Variants in GRHL1 observed in about 807,000 individuals in gnomAD.
The protein encoded by GRHL1 is grainyhead-like protein 1 homolog.
A neutral mutation model predicts 75.7 loss-of-function variants in GRHL1; 38 were observed. The observed-to-expected ratio is 0.50, with a 90% confidence interval of 0.39 to 0.66. GRHL1 has a LOEUF of 0.66. GRHL1 is among the 30% of genes least tolerant of loss of function. GRHL1 has a pLI of 0.00. For missense variants in GRHL1, 589 were observed against 767.5 expected (o/e 0.77, Z 2.75); for synonymous variants, 266 against 279.4 (o/e 0.95, Z 0.48).
chr2:9,996,534 C>A, intron 14 of GRHL1, 133 bp downstream of exon 14: 1 of 669,656 alleles, frequency 1.5e-6, no homozygotes. Flanking sequence ...TTTCTCGAGT[C>A]GTCGTGCGTC....
At chr2:9,966,901 A>G (rs1381604738) in intron 8 of GRHL1, among the ~76,000 whole-genome samples, 10 of 152,158 alleles carry the variant, frequency 6.6e-5, no homozygotes. Flanking sequence ...GTGGCTGCAT[A>G]GTCCGGAGTT....
chr2:9,986,241 G>A lies in GRHL1; in HGVS notation c.1228G>A (p.Val410Met). The change falls in exon 9 of 16, where the codon GTG becomes ATG. Residue 410 changes from valine (V) to methionine (M), a missense_variant. Val to Met is a conservative substitution (Grantham distance 21). This residue lies in a region of GRHL1 where 30 missense variants were observed against 40.3 expected (regional missense o/e 0.74). Coordinates refer to ENST00000324907, the MANE Select transcript of GRHL1 (RefSeq NM_198182.3). Reference sequence around the variant, plus strand: ...TTACAACAACCGCAGCAACAAGCCTGTGCACCGGGCCTACTGCCAGATCAA... The same window carrying A: ...TTACAACAACCGCAGCAACAAGCCTATGCACCGGGCCTACTGCCAGATCAA... ...YSYNNRSNKP[V>M]HRAYCQIKVF... 3 of 1,613,888 alleles carry A rather than the reference G, an allele frequency of 1.9e-6. No homozygotes were observed. The South Asian group carries it at 3.3e-5, about 18-fold the overall frequency.
intron 4 of GRHL1, among the ~76,000 whole-genome samples, chr2:9,961,774 G>A (rs1667287366): frequency 1.3e-5 from 2 of 152,114 alleles, no homozygotes. Context: ...TTCTCCCAGT[G>A]CCAAACAAGC....
chr2:9,998,462 A>G (rs1254172752), intron 14 of GRHL1, among the ~76,000 whole-genome samples: 11 of 37,726 alleles, frequency 2.9e-4, no homozygotes, highest in East Asian at 2.4e-3. Context: ...ATATATACAT[A>G]TATATACGTA....
Position 9,990,833 on chromosome 2 carries a change from G to C in GRHL1, c.1321+86G>C. On this transcript the variant is annotated intron_variant, in intron 10 of 15. Coordinates refer to ENST00000324907, the MANE Select transcript of GRHL1 (RefSeq NM_198182.3). The surrounding 1 kb of genome is among the most constrained non-coding windows in gnomAD (Gnocchi z 4.2). ...CTTCAGACCTTTTCCATTGAGAATGGTGGCTGGAGTTTGCACGCAGAAGAC... is the reference window on the plus strand; with the variant it reads ...CTTCAGACCTTTTCCATTGAGAATGCTGGCTGGAGTTTGCACGCAGAAGAC... 1 of 1,087,526 alleles carries C rather than the reference G, an allele frequency of 9.2e-7. No homozygotes were observed. The highest frequency in any genetic ancestry group is 2.4e-5 in the East Asian group (1 of 41,550). 67.4% of individuals were successfully genotyped at this position (1,087,526 alleles called of 1,614,324 possible). A position where few individuals can be genotyped will look rare whatever the true frequency, so the allele number is the denominator to read the frequency against.
At position 9,961,117 on chromosome 2, in the gene GRHL1, A is replaced by G. The variant is rs765032179; in HGVS notation, c.350A>G (p.Asn117Ser). 1 of 1,591,908 alleles carries G rather than the reference A, an allele frequency of 6.3e-7. No homozygotes were observed. The highest frequency in any genetic ancestry group is 1.3e-5 in the African/African-American group (1 of 74,602). The change falls in exon 4 of 16, where the codon AAT becomes AGT. Residue 117 changes from asparagine (N) to serine (S), a missense_variant. Transcript: ENST00000324907. ...GAAAACAGAGTGCAAGTACTGAAAA[A>G]TGTGCCATTTAACATTGTCCTTCCC... ...AGENRVQVLK[N>S]VPFNIVLPHG...
At chr2:9,994,061 G>T (rs533657963) in intron 12 of GRHL1, among the ~76,000 whole-genome samples, 1 of 144,232 alleles carries the variant, frequency 6.9e-6, no homozygotes, top group East Asian at 2.0e-4. Flanking sequence ...GTGGAGGGGG[G>T]CTGACGCTAC....
Position 9,998,732 on chromosome 2 carries a change from G to A in GRHL1, c.1678-233G>A, listed in dbSNP as rs141893433. Among the ~76,000 whole-genome samples, 28 of 25,438 alleles carry A rather than the reference G, an allele frequency of 1.1e-3. 3 individuals are homozygous for A. Among genetic ancestry groups the A allele is most frequent in the African/African-American group, 2.6e-3 (9 of 3,510 alleles). The allele number at this position is 25,438 out of a possible 152,430, so 16.7% of individuals were successfully genotyped here. On this transcript the variant is annotated intron_variant, in intron 14 of 15. Coordinates refer to ENST00000324907, the MANE Select transcript of GRHL1 (RefSeq NM_198182.3). Reference sequence around the variant, plus strand: ...CATATATATGTACACACATATATACGTATATATGTACACACATATATACGT... The same window carrying A: ...CATATATATGTACACACATATATACATATATATGTACACACATATATACGT...
chr2:9,992,179 G>T lies in GRHL1; in HGVS notation c.1461+33G>T, dbSNP rs1668674484. 24 of 1,592,000 alleles carry T rather than the reference G, an allele frequency of 1.5e-5. No homozygotes were observed. The highest frequency in any genetic ancestry group is 6.9e-5 in the South Asian group (6 of 86,734). The stretch of plus-strand genomic sequence containing the variant: ...ACCAGGATCCCAGGGGAGGTTACCA[G>T]GAAGGAAGGCATGGCAAAAGGAAAT... On this transcript the variant is annotated intron_variant, in intron 11 of 15. Coordinates refer to ENST00000324907, the MANE Select transcript of GRHL1 (RefSeq NM_198182.3). This position sits in a 1 kb window ranked among gnomAD's most constrained non-coding sequence, Gnocchi z 4.6.
intron 14 of GRHL1, 73 bp from the exon 15 acceptor site, chr2:9,998,892 A>ATC: frequency 2.4e-6 from 1 of 411,760 alleles, no homozygotes. Flanking sequence ...ATATATACAT[A>ATC]TATATATATT....
At chr2:9,973,357 G>A (rs1667815237) in intron 8 of GRHL1, among the ~76,000 whole-genome samples, 1 of 152,146 alleles carries the variant, frequency 6.6e-6, no homozygotes. Context: ...AGGACTAGCA[G>A]GGGACCACAA....
intron 2 of GRHL1, among the ~76,000 whole-genome samples, chr2:9,956,037 G>A (rs1377214943): frequency 6.6e-6 from 1 of 152,254 alleles, no homozygotes; most frequent in East Asian, 1.9e-4. Context: ...AACAGGATCT[G>A]TTTGGGATTA....
rs781192374 is a variant in GRHL1, at chr2:9,992,868, G to A, written c.1462-339G>A. On this transcript the variant is annotated intron_variant, in intron 11 of 15. Transcript: ENST00000324907. The surrounding 1 kb of genome is among the most constrained non-coding windows in gnomAD (Gnocchi z 4.6). ...CACTGTTTTTGTGAAGGGCTGGGCC[G>A]TAAAGGTTTTCAGCTTTTGGGGCCC... Among the ~76,000 whole-genome samples, 11 of 152,348 alleles carry A rather than the reference G, an allele frequency of 7.2e-5. No individual in the cohort carries two copies. The highest frequency in any genetic ancestry group is 4.1e-4 in the South Asian group (2 of 4,828).
At position 9,958,786 on chromosome 2, in the gene GRHL1, G is replaced by A; in HGVS notation, c.208G>A (p.Val70Ile). 6.2e-7 allele frequency: 1 copy of A among 1,612,362 alleles called. No homozygotes were observed. The highest frequency in any genetic ancestry group is 1.1e-5 in the South Asian group (1 of 91,042). The change falls in exon 3 of 16, where the codon GTT (valine) becomes ATT (isoleucine). Residue 70 changes from valine (V) to isoleucine (I), a missense_variant and splice_region_variant. By Grantham distance (29) the Val-to-Ile change is conservative (BLOSUM62 3). This residue lies in a region of GRHL1 where 362 missense variants were observed against 461.8 expected (regional missense o/e 0.78). Transcript: ENST00000324907. The part of the protein sequence containing the change: ...ALGLLYDYYK[V>I]PRERRSSTAK... ...TTCTTTTCATGTGTGCTAATATCAG[G>A]TTCCAAGAGAGAGAAGGTCATCAAC...
intron 8 of GRHL1, among the ~76,000 whole-genome samples, chr2:9,975,781 G>A (rs570984089): frequency 6.6e-6 from 1 of 152,078 alleles, no homozygotes; most frequent in Non-Finnish European, 1.5e-5. Flanking sequence ...AGCTACTTGG[G>A]AGACTGAGGC....
chr2:9,971,203 T>G (rs1047659191), intron 8 of GRHL1, among the ~76,000 whole-genome samples: 52 of 152,326 alleles, frequency 3.4e-4, no homozygotes, highest in African/African-American at 1.2e-3. Flanking sequence ...TTTATCAGAA[T>G]TCCATTCTAG....
At chr2:9,963,032 A>G in intron 5 of GRHL1, among the ~76,000 whole-genome samples, 1 of 152,204 alleles carries the variant, frequency 6.6e-6, no homozygotes, top group East Asian at 1.9e-4. Context: ...CAAGTTAATT[A>G]GGAACTCATA....
chr2:9,996,472 C>T, intron 14 of GRHL1, 71 bp downstream of exon 14: 1 of 1,020,222 alleles, frequency 9.8e-7, no homozygotes, highest in Non-Finnish European at 1.6e-6. Context: ...CATTGAAACA[C>T]TTTATCAGAT....
intron 14 of GRHL1, among the ~76,000 whole-genome samples, chr2:9,998,033 C>T (rs575316626): frequency 3.0e-4 from 45 of 152,196 alleles, no homozygotes; most frequent in African/African-American, 1.0e-3. Context: ...GAACTTGGAG[C>T]TGGGGTCTGG....
Sources: allele counts gnomAD v4.1 joint callset (sites outside exome capture counted in the v4.1 genomes callset), GRCh38; gene constraint gnomAD v4.1.1; regional missense constraint gnomAD v4.1.1; non-coding constraint Gnocchi (gnomAD v3.1); transcripts MANE v1.5; gene names NCBI Gene and HGNC (gene_info 2026-07-23, HGNC 2026-07-21).